The following CSMD1 variants were observed in gnomAD, a reference collection of about 807,000 sequenced individuals.
CSMD1 encodes the protein CUB and sushi domain-containing protein 1.
Under a neutral mutation model 417.5 loss-of-function variants are expected in CSMD1, and 213 were observed. That is an observed-to-expected ratio of 0.51 (90% CI 0.46 to 0.57). CSMD1 has a LOEUF of 0.57. Among genes scored for constraint, CSMD1 ranks in the 20% least tolerant of loss-of-function variants. CSMD1 has a pLI of 0.00. For missense variants in CSMD1, 6,923 were observed against 4,529.7 expected, an observed-to-expected ratio of 1.53 and a Z score of -15.17; for synonymous variants, 2,862 against 1,736.8, an observed-to-expected ratio of 1.65 and a Z score of -16.11.
At chr8:4,936,346 T>C (rs1295899859) in intron 1 of CSMD1, among the ~76,000 whole-genome samples, 1 of 152,216 alleles carries the variant, frequency 6.6e-6, no homozygotes, top group Non-Finnish European at 1.5e-5. Context: ...ACTGAAATAG[T>C]AAATCGGCCT....
intron 1 of CSMD1, among the ~76,000 whole-genome samples, chr8:4,919,936 C>A (rs1806324191): frequency 6.6e-6 from 1 of 152,190 alleles, no homozygotes; most frequent in African/African-American, 2.4e-5. Flanking sequence ...CCTCAACAGA[C>A]ACCAGACCTG....
chr8:4,500,207 C>T (rs946564995), intron 2 of CSMD1, among the ~76,000 whole-genome samples: 1 of 150,858 alleles, frequency 6.6e-6, no homozygotes, highest in African/African-American at 2.4e-5. Flanking sequence ...GATGGAACTC[C>T]AGGGAGAGGT....
intron 1 of CSMD1, among the ~76,000 whole-genome samples, chr8:4,666,533 C>G (rs1018474048): frequency 6.6e-6 from 1 of 152,142 alleles, no homozygotes; most frequent in African/African-American, 2.4e-5. Context: ...CCTGATAATA[C>G]TTTGATTTTT....
intron 1 of CSMD1, among the ~76,000 whole-genome samples, chr8:4,820,862 G>GT (rs1415502703): frequency 2.0e-5 from 3 of 152,148 alleles, no homozygotes; most frequent in Non-Finnish European, 4.4e-5. Flanking sequence ...AATAATTGTT[G>GT]TTACTACTTT....
intron 1 of CSMD1, among the ~76,000 whole-genome samples, chr8:4,690,359 A>G (rs1806687206): frequency 6.6e-6 from 1 of 152,236 alleles, no homozygotes; most frequent in African/African-American, 2.4e-5. Context: ...CTTCACCTAT[A>G]GTTTTGAATG....
chr8:4,548,501 G>A (rs1346364378), intron 2 of CSMD1, among the ~76,000 whole-genome samples: 1 of 152,046 alleles, frequency 6.6e-6, no homozygotes, highest in Admixed American at 6.6e-5. Context: ...CCCTCAGAAT[G>A]AAAATGCCAT....
intron 12 of CSMD1, among the ~76,000 whole-genome samples, chr8:3,462,767 C>T (rs149764422): frequency 1.0e-3 from 156 of 152,032 alleles, no homozygotes; most frequent in African/African-American, 2.9e-3. Context: ...ACCTTAAAAC[C>T]GGTCCCTTGT....
chr8:3,470,524 T>C (rs4875717), intron 11 of CSMD1, among the ~76,000 whole-genome samples: 11,467 of 152,220 alleles, frequency 0.075, 507 homozygotes, highest in East Asian at 0.19. Context: ...CCCTGTTTTA[T>C]TCGTATTTTG....
chr8:3,351,767 T>C (rs1314695786), intron 21 of CSMD1, among the ~76,000 whole-genome samples: 1 of 148,550 alleles, frequency 6.7e-6, no homozygotes, highest in East Asian at 1.9e-4. Context: ...ATTAAATGTA[T>C]AATATATATT....
At chr8:4,084,982 C>T (rs1227642855) in intron 3 of CSMD1, among the ~76,000 whole-genome samples, 1 of 152,094 alleles carries the variant, frequency 6.6e-6, no homozygotes, top group Admixed American at 6.6e-5. Flanking sequence ...CATATTACCA[C>T]AGCAGGCGCG....
intron 3 of CSMD1, among the ~76,000 whole-genome samples, chr8:4,060,372 G>A (rs1332524264): frequency 6.6e-6 from 1 of 152,168 alleles, no homozygotes; most frequent in African/African-American, 2.4e-5. Flanking sequence ...CATTCCCTTT[G>A]CAAACTGGCA....
At position 3,108,580 on chromosome 8, in the gene CSMD1, T is replaced by A. The variant is rs1816299544; in HGVS notation, c.6754+23A>T. On this transcript the variant is annotated intron_variant, in intron 44 of 69. Coordinates refer to ENST00000635120, the MANE Select transcript of CSMD1 (RefSeq NM_033225.6). ...ACCACATGGAATTCTCAGTCTTAAC[T>A]AACGGAGTGAAAATCAACTGACCGT... 3.7e-6 allele frequency: 6 copies of A among 1,612,066 alleles called. No individual in the cohort carries two copies. In the East Asian group the frequency reaches 1.3e-4, roughly 36 times the overall value.
At chr8:4,863,597 A>G (rs2116883487) in intron 1 of CSMD1, among the ~76,000 whole-genome samples, 1 of 152,134 alleles carries the variant, frequency 6.6e-6, no homozygotes, top group East Asian at 1.9e-4. Context: ...ATCTCTTCAT[A>G]TTCTCACAAA....
chr8:4,135,408 A>C (rs2130995413), intron 3 of CSMD1, among the ~76,000 whole-genome samples: 1 of 130,646 alleles, frequency 7.7e-6, no homozygotes, highest in South Asian at 3.2e-4. Flanking sequence ...GAAAGAGGGA[A>C]AGAGGGGGAA....
chr8:3,464,483 G>A (rs954655754), intron 12 of CSMD1, among the ~76,000 whole-genome samples: 1 of 151,616 alleles, frequency 6.6e-6, no homozygotes, highest in African/African-American at 2.4e-5. Flanking sequence ...ATATAAAATG[G>A]AGAAACTATG....
At chr8:4,819,196 G>C (rs945663647) in intron 1 of CSMD1, among the ~76,000 whole-genome samples, 2 of 152,036 alleles carry the variant, frequency 1.3e-5, no homozygotes, top group Non-Finnish European at 2.9e-5. Context: ...CAATTTTTTT[G>C]ACAGAAGAAA....
At chr8:3,336,707 G>A (rs999228546) in intron 23 of CSMD1, among the ~76,000 whole-genome samples, 6 of 152,164 alleles carry the variant, frequency 3.9e-5, no homozygotes, top group African/African-American at 9.7e-5. Flanking sequence ...CGATGTGGGC[G>A]AGAGCCCTGC....
chr8:3,504,401 G>C (rs768263690), intron 10 of CSMD1, among the ~76,000 whole-genome samples: 1 of 152,090 alleles, frequency 6.6e-6, no homozygotes, highest in Non-Finnish European at 1.5e-5. Flanking sequence ...ATTTCCCTGG[G>C]GGATTTCTGG....
At chr8:4,552,968 G>C (rs1253186824) in intron 2 of CSMD1, among the ~76,000 whole-genome samples, 1 of 152,174 alleles carries the variant, frequency 6.6e-6, no homozygotes, top group Non-Finnish European at 1.5e-5. Context: ...CTGCTCTCTT[G>C]TACCTTGCTT....
Sources: gnomAD v4.1 joint callset for allele counts (sites outside exome capture counted in the v4.1 genomes callset) on GRCh38, gnomAD v4.1.1 for gene constraint, MANE v1.5 for transcripts, NCBI Gene and HGNC (gene_info 2026-07-23, HGNC 2026-07-21) for gene names.